Variants in KCNH8 observed in about 807,000 individuals in gnomAD.
KCNH8 encodes potassium voltage-gated channel subfamily H member 8.
Under a neutral mutation model 103.6 loss-of-function variants are expected in KCNH8, and 70 were observed. The observed-to-expected ratio is 0.68, with a 90% CI of 0.56 to 0.82. The LOEUF (loss-of-function observed/expected upper bound fraction) is 0.82, where lower values mean the gene tolerates loss of function less well. KCNH8 is among the 40% of genes least tolerant of loss of function. The probability of loss-of-function intolerance (pLI) is 0.00; values close to 1 mark genes in which losing one functional copy is unlikely to be tolerated. For missense variants in KCNH8, 1,217 were observed against 1,329.9 expected, an observed-to-expected ratio of 0.92 and a Z score of 1.32; for synonymous variants, 498 against 489.4, an observed-to-expected ratio of 1.02 and a Z score of -0.23.
At chr3:19,430,087 G>A (rs1291916714) in intron 7 of KCNH8, among the ~76,000 whole-genome samples, 1 of 152,096 alleles carries the variant, frequency 6.6e-6, no homozygotes, top group Non-Finnish European at 1.5e-5. Context: ...ACCCAGTAAT[G>A]GGATTGTTGG....
intron 5 of KCNH8, among the ~76,000 whole-genome samples, chr3:19,353,592 G>T (rs1418755932): frequency 6.6e-6 from 1 of 151,900 alleles, no homozygotes; most frequent in Non-Finnish European, 1.5e-5. Flanking sequence ...TGCAAATCAA[G>T]AAACATAATC....
At chr3:19,509,681 A>C (rs1337789906) in intron 11 of KCNH8, among the ~76,000 whole-genome samples, 1 of 152,218 alleles carries the variant, frequency 6.6e-6, no homozygotes, top group African/African-American at 2.4e-5. Context: ...TTGATGGTAT[A>C]TCAACACTGA....
chr3:19,466,335 A>G (rs1374223860), intron 11 of KCNH8, among the ~76,000 whole-genome samples: 1 of 152,196 alleles, frequency 6.6e-6, no homozygotes, highest in Non-Finnish European at 1.5e-5. Flanking sequence ...AGAATATTAC[A>G]TGAACTTAGT....
chr3:19,479,859 T>C (rs1265598070), intron 11 of KCNH8, among the ~76,000 whole-genome samples: 1 of 152,210 alleles, frequency 6.6e-6, no homozygotes, highest in Non-Finnish European at 1.5e-5. Context: ...AGATAAAATA[T>C]GGAATGATCT....
chr3:19,473,109 C>T (rs1411915898), intron 11 of KCNH8, among the ~76,000 whole-genome samples: 1 of 152,128 alleles, frequency 6.6e-6, no homozygotes, highest in Non-Finnish European at 1.5e-5. Context: ...AAGAATCAAA[C>T]AGAATAAAAT....
intron 1 of KCNH8, among the ~76,000 whole-genome samples, chr3:19,163,144 CAT>C (rs1298970664): frequency 6.6e-6 from 1 of 151,486 alleles, no homozygotes; most frequent in Non-Finnish European, 1.5e-5. Context: ...AAAGCAAAAA[CAT>C]AGTCTTCAGA....
At chr3:19,494,215 C>T (rs957667045) in intron 11 of KCNH8, among the ~76,000 whole-genome samples, 2 of 152,174 alleles carry the variant, frequency 1.3e-5, no homozygotes, top group African/African-American at 4.8e-5. Context: ...TGTACATGTA[C>T]CACATTTACT....
intron 7 of KCNH8, among the ~76,000 whole-genome samples, chr3:19,423,732 G>T (rs1488889138): frequency 1.3e-5 from 2 of 151,984 alleles, no homozygotes; most frequent in Non-Finnish European, 2.9e-5. Flanking sequence ...GAATTGTGCT[G>T]CTGTAAACAT....
At chr3:19,459,000 T>C (rs1439071028) in intron 11 of KCNH8, among the ~76,000 whole-genome samples, 2 of 152,042 alleles carry the variant, frequency 1.3e-5, no homozygotes, top group East Asian at 1.9e-4. Flanking sequence ...ATTTGTCTGT[T>C]GTTGGACACT....
At chr3:19,201,933 T>G (rs535453651) in intron 1 of KCNH8, among the ~76,000 whole-genome samples, 4 of 152,282 alleles carry the variant, frequency 2.6e-5, no homozygotes, top group Admixed American at 6.5e-5. Context: ...CTGAAAACAA[T>G]GTACTAATTT....
intron 1 of KCNH8, among the ~76,000 whole-genome samples, chr3:19,229,970 G>A (rs2063974913): frequency 6.6e-6 from 1 of 152,180 alleles, no homozygotes; most frequent in South Asian, 2.1e-4. Context: ...AAGAAAAAGA[G>A]GTTTAATTGG....
intron 1 of KCNH8, among the ~76,000 whole-genome samples, chr3:19,215,077 A>T (rs946431550): frequency 2.6e-5 from 4 of 152,190 alleles, no homozygotes; most frequent in African/African-American, 9.7e-5. Flanking sequence ...CTTCCCTAGA[A>T]TGTGGGCCAG....
At chr3:19,364,346 C>T (rs2065983743) in intron 5 of KCNH8, among the ~76,000 whole-genome samples, 1 of 152,130 alleles carries the variant, frequency 6.6e-6, no homozygotes, top group Non-Finnish European at 1.5e-5. Flanking sequence ...AACAATGACT[C>T]AATACGGCAT....
At chr3:19,281,615 A>C (rs1178110210) in intron 3 of KCNH8, among the ~76,000 whole-genome samples, 1 of 152,088 alleles carries the variant, frequency 6.6e-6, no homozygotes, top group Non-Finnish European at 1.5e-5. Flanking sequence ...GATTAACACC[A>C]CTTCATTGTA....
chr3:19,239,660 A>G (rs2064111501), intron 1 of KCNH8, among the ~76,000 whole-genome samples: 1 of 151,558 alleles, frequency 6.6e-6, no homozygotes, highest in Non-Finnish European at 1.5e-5. Flanking sequence ...CTATCTATCT[A>G]TCTATCTATC....
At chr3:19,532,434 T>C (rs1211906889) in intron 15 of KCNH8, among the ~76,000 whole-genome samples, 1 of 152,186 alleles carries the variant, frequency 6.6e-6, no homozygotes, top group Non-Finnish European at 1.5e-5. Context: ...CTGCAAACTT[T>C]CTCTGTAGCA....
intron 11 of KCNH8, among the ~76,000 whole-genome samples, chr3:19,480,592 T>A (rs189423771): frequency 6.5e-4 from 99 of 152,330 alleles, no homozygotes; most frequent in Admixed American, 6.4e-3. Context: ...TAGAAATGTC[T>A]TCATTCAGTA....
At chr3:19,393,733 T>G (rs2066472418) in intron 6 of KCNH8, among the ~76,000 whole-genome samples, 1 of 152,012 alleles carries the variant, frequency 6.6e-6, no homozygotes, top group South Asian at 2.1e-4. Context: ...AAAGTAAAAC[T>G]TGACACAGGA....
At chr3:19,153,785 C>T (rs1469610117) in intron 1 of KCNH8, among the ~76,000 whole-genome samples, 1 of 151,976 alleles carries the variant, frequency 6.6e-6, no homozygotes, top group Non-Finnish European at 1.5e-5. Flanking sequence ...ATGCCTGCCA[C>T]TACGCCTGGC....
Sources: gnomAD v4.1 joint callset for allele counts (sites outside exome capture counted in the v4.1 genomes callset) on GRCh38, gnomAD v4.1.1 for gene constraint, MANE v1.5 for transcripts, NCBI Gene and HGNC (gene_info 2026-07-23, HGNC 2026-07-21) for gene names.